ERGIC1: variants seen among roughly 807,000 people sequenced by gnomAD.
The protein encoded by ERGIC1 is endoplasmic reticulum-Golgi intermediate compartment protein 1.
In ERGIC1, 19 loss-of-function variants were observed where a neutral mutation model predicts 38.3. That is an observed-to-expected ratio of 0.50 (90% CI 0.35 to 0.73). The LOEUF (loss-of-function observed/expected upper bound fraction) is 0.73, where lower values mean the gene tolerates loss of function less well. Ranked by LOEUF, ERGIC1 falls within the 30% of genes least tolerant of loss-of-function variation. The pLI is 0.01. For synonymous variants in ERGIC1, 124 were observed against 157.6 expected, an observed-to-expected ratio of 0.79 and a Z score of 1.60; for missense variants, 294 against 389.2, an observed-to-expected ratio of 0.76 and a Z score of 2.06.
intron 1 of ERGIC1, among the ~76,000 whole-genome samples, chr5:172,848,850 T>G (rs995835421): frequency 6.6e-6 from 1 of 152,190 alleles, no homozygotes; most frequent in Non-Finnish European, 1.5e-5. Context: ...TTCTCCTAAG[T>G]GCATCTGAAA....
chr5:172,843,768 C>G (rs1041090733), intron 1 of ERGIC1, among the ~76,000 whole-genome samples: 1 of 152,210 alleles, frequency 6.6e-6, no homozygotes, highest in Admixed American at 6.5e-5. Flanking sequence ...TTCGGCAGAA[C>G]TCTCTGGATT....
At chr5:172,924,692 G>A (rs1053997452) in intron 6 of ERGIC1, among the ~76,000 whole-genome samples, 2 of 152,162 alleles carry the variant, frequency 1.3e-5, no homozygotes, top group African/African-American at 4.8e-5. Context: ...CACGTGCAGG[G>A]GCAAAACAGA....
intron 3 of ERGIC1, chr5:172,898,626 C>G (rs1452349300): frequency 6.6e-6 from 1 of 152,228 alleles, no homozygotes; most frequent in Non-Finnish European, 1.5e-5. Flanking sequence ...GGCCAGGTCT[C>G]TGCTTAATTA....
At chr5:172,896,437 C>A (rs1762723511) in intron 2 of ERGIC1, among the ~76,000 whole-genome samples, 1 of 152,222 alleles carries the variant, frequency 6.6e-6, no homozygotes, top group Non-Finnish European at 1.5e-5. Flanking sequence ...AGGACAGGGG[C>A]ACCGTGTGGA....
intron 2 of ERGIC1, 103 bp downstream of exon 2, chr5:172,888,863 AG>A: frequency 9.0e-7 from 1 of 1,113,564 alleles, no homozygotes; most frequent in South Asian, 1.2e-5. Context: ...AAGGAAAGAC[AG>A]GAGGGAGGAA....
chr5:172,935,079 G>C, intron 8 of ERGIC1, 109 bp from the exon 9 acceptor site: 1 of 1,517,416 alleles, frequency 6.6e-7, no homozygotes, highest in Non-Finnish European at 9.1e-7. Flanking sequence ...GTGGGGCAGA[G>C]AGGGAGGAAA....
At chr5:172,940,943 C>T (rs1763997488) in intron 9 of ERGIC1, among the ~76,000 whole-genome samples, 2 of 152,228 alleles carry the variant, frequency 1.3e-5, no homozygotes, top group Non-Finnish European at 2.9e-5. Flanking sequence ...GACCTGGACA[C>T]AGGTGCTCAG....
At chr5:172,942,062 G>A (rs907824842) in intron 9 of ERGIC1, among the ~76,000 whole-genome samples, 1 of 152,170 alleles carries the variant, frequency 6.6e-6, no homozygotes, top group Non-Finnish European at 1.5e-5. Context: ...TTAGCCAGGC[G>A]TGGTGGTGCA....
intron 1 of ERGIC1, among the ~76,000 whole-genome samples, chr5:172,838,502 C>T (rs1401120412): frequency 6.6e-6 from 1 of 152,142 alleles, no homozygotes; most frequent in Non-Finnish European, 1.5e-5. Context: ...TCAGGACTCC[C>T]TAGTGAGCTT....
At chr5:172,924,145 G>T (rs1763597628) in intron 6 of ERGIC1, 36 bp downstream of exon 6, 2 of 1,602,080 alleles carry the variant, frequency 1.2e-6, no homozygotes, top group African/African-American at 1.3e-5. Context: ...ATGGCCGGGG[G>T]TGGGCCTTCA....
At chr5:172,885,305 A>ATT (rs11404176) in intron 1 of ERGIC1, among the ~76,000 whole-genome samples, 34 of 149,672 alleles carry the variant, frequency 2.3e-4, no homozygotes, top group Non-Finnish European at 3.1e-4. Context: ...AATTTTGTTC[A>ATT]TTTTTTTTTG....
At chr5:172,857,643 T>A (rs1761585470) in intron 1 of ERGIC1, among the ~76,000 whole-genome samples, 1 of 125,478 alleles carries the variant, frequency 8.0e-6, no homozygotes, top group African/African-American at 3.1e-5. Context: ...ATAGTGCACC[T>A]GCCAATAAGG....
chr5:172,859,287 T>C (rs1156698108), intron 1 of ERGIC1, among the ~76,000 whole-genome samples: 1 of 152,084 alleles, frequency 6.6e-6, no homozygotes, highest in Non-Finnish European at 1.5e-5. Flanking sequence ...ATTCAGGAAC[T>C]TTGCTTCTAG....
At chr5:172,855,365 G>T (rs1013658850) in intron 1 of ERGIC1, among the ~76,000 whole-genome samples, 1 of 152,116 alleles carries the variant, frequency 6.6e-6, no homozygotes, top group Non-Finnish European at 1.5e-5. Flanking sequence ...TGCTGAGATG[G>T]TCTCGGGCCT....
At chr5:172,912,482 G>T (rs1462157406) in intron 4 of ERGIC1, among the ~76,000 whole-genome samples, 1 of 152,178 alleles carries the variant, frequency 6.6e-6, no homozygotes, top group African/African-American at 2.4e-5. Flanking sequence ...CCGCCTCCCG[G>T]GTTCAAGCCA....
chr5:172,842,291 C>A (rs539530634), intron 1 of ERGIC1, among the ~76,000 whole-genome samples: 1 of 152,342 alleles, frequency 6.6e-6, no homozygotes, highest in Non-Finnish European at 1.5e-5. Context: ...ATGCAGTCTT[C>A]ATTCTGTGTC....
intron 5 of ERGIC1, chr5:172,917,597 TC>T (rs1763402963): frequency 6.6e-6 from 1 of 152,226 alleles, no homozygotes; most frequent in South Asian, 2.1e-4. Flanking sequence ...AGGCTGTAGA[TC>T]CGTGTTCTAA....
intron 9 of ERGIC1, among the ~76,000 whole-genome samples, chr5:172,950,419 T>A (rs1334417088): frequency 6.6e-6 from 1 of 152,210 alleles, no homozygotes; most frequent in Non-Finnish European, 1.5e-5. Context: ...TCCTCCGCTG[T>A]GAAATGGGTC....
chr5:172,897,519 G>A (rs1284508055), intron 3 of ERGIC1, among the ~76,000 whole-genome samples: 1 of 152,130 alleles, frequency 6.6e-6, no homozygotes, highest in African/African-American at 2.4e-5. Context: ...TGTGGCATCG[G>A]TTGCTCTTCT....
Sources: gnomAD v4.1 joint callset for allele counts (sites outside exome capture counted in the v4.1 genomes callset) on GRCh38, gnomAD v4.1.1 for gene constraint, MANE v1.5 for transcripts, NCBI Gene and HGNC (gene_info 2026-07-23, HGNC 2026-07-21) for gene names.